The following FILIP1 variants were observed in gnomAD, a reference collection of about 807,000 sequenced individuals.
FILIP1 encodes the protein filamin-A-interacting protein 1.
FILIP1 carries 61 observed loss-of-function variants against 102.1 expected under a neutral mutation model. The observed-to-expected ratio is 0.60, with a 90% confidence interval of 0.49 to 0.74. FILIP1 has a LOEUF of 0.74. Ranked by LOEUF, FILIP1 falls within the 30% of genes least tolerant of loss-of-function variation. The pLI, the probability that FILIP1 is intolerant of heterozygous loss-of-function variation, is 0.00. For synonymous variants in FILIP1, 491 were observed against 526.9 expected (o/e 0.93, Z 0.93); for missense variants, 1,314 against 1,441.2 (o/e 0.91, Z 1.43).
At chr6:75,362,098 T>C (rs1775188938) in intron 3 of FILIP1, 1 of 152,228 alleles carries the variant, frequency 6.6e-6, no homozygotes, top group Non-Finnish European at 1.5e-5. Context: ...TAATATAAAG[T>C]CTGAAGGGTC....
chr6:75,311,053 A>G (rs1269871238), intron 5 of FILIP1, among the ~76,000 whole-genome samples: 1 of 152,196 alleles, frequency 6.6e-6, no homozygotes, highest in East Asian at 1.9e-4. Flanking sequence ...AGAAATCACG[A>G]TTTCTAGTCT....
intron 3 of FILIP1, among the ~76,000 whole-genome samples, chr6:75,357,787 A>T (rs1265172524): frequency 6.6e-6 from 1 of 152,232 alleles, no homozygotes; most frequent in East Asian, 1.9e-4. Context: ...TTGGAACTAC[A>T]TCAGTCACCT....
intron 3 of FILIP1, among the ~76,000 whole-genome samples, chr6:75,355,390 GATT>G (rs1246490863): frequency 6.9e-6 from 1 of 144,544 alleles, no homozygotes; most frequent in African/African-American, 2.6e-5. Flanking sequence ...CAGGTTATAA[GATT>G]TTTTTTTTTT....
intron 1 of FILIP1, among the ~76,000 whole-genome samples, chr6:75,443,433 G>A (rs1405037841): frequency 6.6e-6 from 1 of 152,158 alleles, no homozygotes; most frequent in South Asian, 2.1e-4. Flanking sequence ...AAGTATTTTG[G>A]TAATCTAACA....
At chr6:75,447,176 A>G (rs375611046) in intron 1 of FILIP1, among the ~76,000 whole-genome samples, 24 of 152,314 alleles carry the variant, frequency 1.6e-4, no homozygotes, top group African/African-American at 5.5e-4. Flanking sequence ...TAGCTATAAC[A>G]AAGTTTGAGT....
rs964897846 is a variant in FILIP1 at position 75,441,437 on chromosome 6, C to G, written c.-6-26459G>C. On this transcript the variant is annotated intron_variant, in intron 1 of 5. Coordinates refer to ENST00000237172, the MANE Select transcript of FILIP1 (RefSeq NM_015687.5). ...CTCAATCTTTTCCCCACCTTTCCCC[C>G]CCTTCTATTCCACAAAACCGCCATT... Among the ~76,000 whole-genome samples, 12 of 152,206 alleles carry G rather than the reference C, an allele frequency of 7.9e-5. No individual in the cohort carries two copies. The South Asian group carries it at 1.9e-3, about 24-fold the overall frequency.
At chr6:75,399,539 T>C (rs1408448150) in intron 2 of FILIP1, among the ~76,000 whole-genome samples, 3 of 152,186 alleles carry the variant, frequency 2.0e-5, no homozygotes, top group African/African-American at 7.2e-5. Context: ...AGTGGAATTA[T>C]TTAAAAACAA....
At position 75,314,239 on chromosome 6, in the gene FILIP1, TTTA is replaced by T; in HGVS notation, c.1590_1592del (p.Asn530del). 6.4e-6 allele frequency: 10 copies of T among 1,563,468 alleles called. No homozygotes were observed. The highest frequency in any genetic ancestry group is 8.6e-6 in the Non-Finnish European group (10 of 1,165,546). On this transcript the variant is annotated inframe_deletion, in exon 5 of 6. Coordinates refer to ENST00000237172, the MANE Select transcript of FILIP1 (RefSeq NM_015687.5). ...CTTTTCCTTGTTCCACCTTAAAATTTTTATTGAGTCCATCCACTTTTCTCTCTT... is the reference window on the plus strand; with the variant it reads ...CTTTTCCTTGTTCCACCTTAAAATTTTTGAGTCCATCCACTTTTCTCTCTT...
chr6:75,454,238 G>C (rs182023991), intron 1 of FILIP1, among the ~76,000 whole-genome samples: 25 of 152,260 alleles, frequency 1.6e-4, no homozygotes, highest in Admixed American at 1.3e-3. Context: ...TGTCAGTGGA[G>C]AGGCCTTTAC....
chr6:75,389,592 T>G (rs766459726), intron 2 of FILIP1, among the ~76,000 whole-genome samples: 3 of 152,204 alleles, frequency 2.0e-5, no homozygotes, highest in Non-Finnish European at 2.9e-5. Context: ...CTTCCTGGTT[T>G]AGTATTAGGA....
At position 75,414,937 on chromosome 6, in the gene FILIP1, A is replaced by G; in HGVS notation, c.36T>C (p.Ser12=). The change falls in exon 2 of 6, where the codon TCT becomes TCC. Residue 12 remains serine (S), a synonymous_variant. Coordinates refer to ENST00000237172, the MANE Select transcript of FILIP1 (RefSeq NM_015687.5). ...GCTTGGGACAGGAGATATGCCCATC[A>G]GATGCACTTTCACCACCTTGGTTTC... The part of the protein sequence containing the change: ...RSRNQGGESA[S]DGHISCPKPS... 1.9e-6 allele frequency: 3 copies of G among 1,613,850 alleles called. No homozygotes were observed. The highest frequency in any genetic ancestry group is 2.5e-6 in the Non-Finnish European group (3 of 1,179,816).
chr6:75,361,276 G>C (rs1488881149), intron 3 of FILIP1, among the ~76,000 whole-genome samples: 3 of 152,132 alleles, frequency 2.0e-5, no homozygotes, highest in Non-Finnish European at 2.9e-5. Flanking sequence ...TCCCCTCTCT[G>C]TGTTCAGCCC....
chr6:75,446,209 T>C (rs1282478800), intron 1 of FILIP1, among the ~76,000 whole-genome samples: 2 of 152,210 alleles, frequency 1.3e-5, no homozygotes, highest in African/African-American at 4.8e-5. Flanking sequence ...AGTTGTTCCA[T>C]TCACCATTTG....
chr6:75,376,847 A>T (rs1775768511), intron 2 of FILIP1, among the ~76,000 whole-genome samples: 1 of 152,170 alleles, frequency 6.6e-6, no homozygotes, highest in African/African-American at 2.4e-5. Flanking sequence ...CTCTTGAACT[A>T]CTTGTTGATG....
intron 5 of FILIP1, among the ~76,000 whole-genome samples, chr6:75,309,162 GC>G: frequency 6.6e-6 from 1 of 152,084 alleles, no homozygotes; most frequent in Admixed American, 6.5e-5. Flanking sequence ...ACTGAAGATG[GC>G]CTTAACTCCA....
rs1344478230 is a variant in FILIP1, at chr6:75,332,835, G to A, written c.630-17633C>T. ...CAGGAGGAGCTGGCAGCATGAATGAGGTTTTCTGAGACTAGTCAAAGAAGT... is the reference window on the plus strand; with the variant it reads ...CAGGAGGAGCTGGCAGCATGAATGAAGTTTTCTGAGACTAGTCAAAGAAGT... On this transcript the variant is annotated intron_variant, in intron 4 of 5. Transcript: ENST00000237172. Among the ~76,000 whole-genome samples the A allele has an allele frequency of 5.3e-5, 8 of 152,096 alleles. No homozygotes were observed. The East Asian group carries it at 1.5e-3, about 29-fold the overall frequency.
intron 2 of FILIP1, among the ~76,000 whole-genome samples, chr6:75,376,467 T>A (rs1272015441): frequency 6.6e-6 from 1 of 152,202 alleles, no homozygotes; most frequent in African/African-American, 2.4e-5. Flanking sequence ...TATAGCTCTT[T>A]TGTTTACTAC....
Position 75,312,990 on chromosome 6 carries a change from G to C in FILIP1, c.2842C>G (p.Gln948Glu). The change falls in exon 5 of 6, where the codon CAG (glutamine) becomes GAG (glutamate). Residue 948 changes from glutamine to glutamate, a missense_variant. Physicochemically the swap from Gln to Glu is conservative, Grantham distance 29. Transcript: ENST00000237172. ...GGAATAATGGTTATTCTTGGTTTCT[G>C]ATTCCCTAAGGTAGGAATGACAGTG... ...STTVIPTLGN[Q>E]KPRITIIPSP... The C allele has an allele frequency of 6.2e-7, 1 of 1,614,140 alleles. No individual in the cohort carries two copies. The highest frequency in any genetic ancestry group is 8.5e-7 in the Non-Finnish European group (1 of 1,180,010).
chr6:75,298,527 A>G (rs967535363), intron 6 of FILIP1, among the ~76,000 whole-genome samples: 2 of 152,230 alleles, frequency 1.3e-5, no homozygotes, highest in African/African-American at 4.8e-5. Context: ...TACTAAATCT[A>G]TAGTTGCTTA....
Sources: allele counts gnomAD v4.1 joint callset (sites outside exome capture counted in the v4.1 genomes callset), GRCh38; gene constraint gnomAD v4.1.1; transcripts MANE v1.5; gene names NCBI Gene and HGNC (gene_info 2026-07-23, HGNC 2026-07-21).